Variants in BIVM observed in about 807,000 individuals in gnomAD.
The protein encoded by BIVM is basic immunoglobulin-like variable motif-containing protein.
BIVM carries 31 observed loss-of-function variants against 61.4 expected under a neutral mutation model. The ratio of observed to expected loss-of-function variants is 0.51; its 90% CI spans 0.38 to 0.68. The LOEUF (loss-of-function observed/expected upper bound fraction) is 0.68. Among genes scored for constraint, BIVM ranks in the 30% least tolerant of loss-of-function variants. The pLI is 0.00. For synonymous variants in BIVM, 189 were observed against 210.7 expected (o/e 0.90, Z 0.89); for missense variants, 526 against 596.0 (o/e 0.88, Z 1.22).
Position 102,816,450 on chromosome 13 carries a change from C to T in BIVM, c.501C>T (p.Ser167=), listed in dbSNP as rs1214975051. 1.9e-6 allele frequency: 3 copies of T among 1,581,546 alleles called. No homozygotes were observed. Among genetic ancestry groups the T allele is most frequent in the Non-Finnish European group, 2.6e-6 (3 of 1,168,362 alleles). Residue 167 remains serine (S), a synonymous_variant, in exon 4 of 11, where the codon TCC becomes TCT. Coordinates refer to ENST00000257336, the MANE Select transcript of BIVM (RefSeq NM_017693.4). ...HKSGNAKKQV[S]KRKTSDKKGR... ...TAGGCAATGCAAAGAAACAAGTTTC[C>T]AAGAGAAAAACTTCAGATAAAAAGG...
At chr13:102,806,835 G>A (rs1027881859) in intron 2 of BIVM, among the ~76,000 whole-genome samples, 1 of 151,850 alleles carries the variant, frequency 6.6e-6, no homozygotes, top group Non-Finnish European at 1.5e-5. Context: ...ACTTGAACCC[G>A]GGAGGCGGAG....
chr13:102,802,269 TTATTAG>T (rs1459187511), intron 1 of BIVM, among the ~76,000 whole-genome samples: 5 of 152,160 alleles, frequency 3.3e-5, no homozygotes, highest in Admixed American at 1.3e-4. Context: ...AATGATTCTG[TTATTAG>T]TATTATCAGT....
At chr13:102,824,758 T>C (rs1880542642) in intron 7 of BIVM, among the ~76,000 whole-genome samples, 1 of 152,038 alleles carries the variant, frequency 6.6e-6, no homozygotes, top group African/African-American at 2.4e-5. Context: ...TTTTAAAAAT[T>C]TTATTATTTA....
intron 9 of BIVM, 58 bp downstream of exon 9, chr13:102,834,610 G>T: frequency 6.8e-7 from 1 of 1,476,540 alleles, no homozygotes. Flanking sequence ...ACAGTGAAAT[G>T]CACAGATCTT....
At chr13:102,816,740 C>A (rs1420709966) in intron 4 of BIVM, 186 bp downstream of exon 4, 1 of 478,958 alleles carries the variant, frequency 2.1e-6, no homozygotes, top group Non-Finnish European at 3.0e-6. Flanking sequence ...ATGAGTTATG[C>A]TGGTCTTTCC....
chr13:102,830,348 T>C (rs765817587), intron 7 of BIVM, among the ~76,000 whole-genome samples: 3 of 152,214 alleles, frequency 2.0e-5, no homozygotes, highest in African/African-American at 7.2e-5. Context: ...AAACTATGAC[T>C]TGCAAGCTTT....
At chr13:102,813,395 T>C (rs1385484754) in intron 3 of BIVM, among the ~76,000 whole-genome samples, 1 of 152,230 alleles carries the variant, frequency 6.6e-6, no homozygotes, top group Admixed American at 6.5e-5. Context: ...TTGCATGGTA[T>C]ATATTTTTCC....
Position 102,799,222 on chromosome 13 carries a change from A to C in BIVM, c.-506A>C. ...TTCGGGGGACAGATAAACACCACAG[A>C]TGCCCATCAAAGGGGCGCACGGGTC... On this transcript the variant is annotated 5_prime_UTR_variant, in exon 1 of 11. It removes an upstream start codon present in the reference 5' UTR. Transcript: ENST00000257336. 3.0e-6 allele frequency: 1 copy of C among 331,446 alleles called. No individual in the cohort carries two copies. The highest frequency in any genetic ancestry group is 5.4e-6 in the Non-Finnish European group (1 of 184,120). The allele number at this position is 331,446 out of a possible 1,614,324, so 20.5% of individuals were successfully genotyped here. A position where few individuals can be genotyped will look rare whatever the true frequency, so the allele number is the denominator to read the frequency against.
At chr13:102,834,347 C>A in intron 8 of BIVM, 119 bp from the exon 9 acceptor site, 1 of 983,332 alleles carries the variant, frequency 1.0e-6, no homozygotes, top group Non-Finnish European at 1.4e-6. Flanking sequence ...AATGTCTGTT[C>A]TTGATGAATG....
chr13:102,836,636 A>G (rs2140501582), intron 9 of BIVM, among the ~76,000 whole-genome samples: 2 of 152,292 alleles, frequency 1.3e-5, no homozygotes, highest in East Asian at 3.9e-4. Context: ...TGTGTGTGGT[A>G]TGTGGTAGAG....
chr13:102,804,433 C>T (rs752020411), intron 1 of BIVM, among the ~76,000 whole-genome samples: 17 of 152,232 alleles, frequency 1.1e-4, no homozygotes, highest in East Asian at 3.8e-4. Context: ...GCCTCAGCCT[C>T]GCAAGTAGCT....
intron 9 of BIVM, among the ~76,000 whole-genome samples, chr13:102,834,950 A>T (rs941588314): frequency 2.6e-5 from 4 of 151,846 alleles, no homozygotes; most frequent in African/African-American, 9.7e-5. Flanking sequence ...TTTGTTTTCC[A>T]TTTTCCTGTT....
At chr13:102,806,973 A>G (rs1404634547) in intron 2 of BIVM, among the ~76,000 whole-genome samples, 173 bp from the exon 3 acceptor site, 3 of 152,240 alleles carry the variant, frequency 2.0e-5, no homozygotes. Context: ...AAATAATTTA[A>G]TGCATATTTT....
At chr13:102,836,835 T>C (rs1881509652) in intron 9 of BIVM, among the ~76,000 whole-genome samples, 1 of 152,248 alleles carries the variant, frequency 6.6e-6, no homozygotes, top group African/African-American at 2.4e-5. Flanking sequence ...TTGTTGTTTA[T>C]ACTAAATCCT....
intron 1 of BIVM, chr13:102,800,631 A>C (rs932495449): frequency 3.9e-5 from 6 of 152,298 alleles, no homozygotes; most frequent in Non-Finnish European, 7.3e-5. Context: ...CGGTGGTGGA[A>C]ACGCTCCCGG....
At chr13:102,834,425 G>A (rs758776979) in intron 8 of BIVM, 41 bp from the exon 9 acceptor site, 1 of 1,551,126 alleles carries the variant, frequency 6.4e-7, no homozygotes, top group African/African-American at 1.4e-5. Flanking sequence ...ATACTCAAGG[G>A]AGTAACTATT....
In BIVM at chr13:102,834,568, T is replaced by C. The variant is rs776203255; in HGVS notation, c.1121+16T>C. ...ACTGTAAAAAGTATGTTAACTTCCC[T>C]TTATTTTCTTTAATTGAGGTAACAT... is the stretch of plus-strand genomic sequence containing the variant. On this transcript the variant is annotated intron_variant, in intron 9 of 10. Transcript: ENST00000257336. 1.0e-5 allele frequency: 16 copies of C among 1,563,232 alleles called. No homozygotes were observed. The highest frequency in any genetic ancestry group is 1.3e-5 in the Non-Finnish European group (15 of 1,162,174).
In BIVM at chr13:102,807,057, G is replaced by A; in HGVS notation, c.-122-89G>A. ...AGTTGTAAAATTAATATAGAATGAA[G>A]GCATATGTATGCATAAAACTTGCTA... On this transcript the variant is annotated intron_variant, in intron 2 of 10. Transcript: ENST00000257336. The surrounding 1 kb of genome is among the most constrained non-coding windows in gnomAD (Gnocchi z 4.0). The A allele has an allele frequency of 2.1e-6, 1 of 478,908 alleles. No individual in the cohort carries two copies. The highest frequency in any genetic ancestry group is 3.6e-5 in the Admixed American group (1 of 27,782). 29.7% of individuals were successfully genotyped at this position (478,908 alleles called of 1,614,324 possible). A position where few individuals can be genotyped will look rare whatever the true frequency, so the allele number is the denominator to read the frequency against.
intron 1 of BIVM, among the ~76,000 whole-genome samples, chr13:102,799,942 C>T (rs1878632019): frequency 6.6e-6 from 1 of 152,160 alleles, no homozygotes; most frequent in African/African-American, 2.4e-5. Context: ...CAGCGGCCGT[C>T]GCCTTCCCCT....
Sources: allele counts gnomAD v4.1 joint callset (sites outside exome capture counted in the v4.1 genomes callset), GRCh38; gene constraint gnomAD v4.1.1; non-coding constraint Gnocchi (gnomAD v3.1); transcripts MANE v1.5; gene names NCBI Gene and HGNC (gene_info 2026-07-23, HGNC 2026-07-21).